PGM2L1: variants seen among roughly 807,000 people sequenced by gnomAD.
PGM2L1 encodes phosphoglucomutase 2 like 1, also known as glucose 1,6-bisphosphate synthase.
In PGM2L1, 35 loss-of-function variants were observed where a neutral mutation model predicts 73.4. That is an observed-to-expected ratio of 0.48 (90% CI 0.36 to 0.63). The LOEUF (loss-of-function observed/expected upper bound fraction) is 0.63. Among genes scored for constraint, PGM2L1 ranks in the 30% least tolerant of loss-of-function variants. The pLI is 0.00. For missense variants in PGM2L1, 570 were observed against 742.0 expected (o/e 0.77, Z 2.69); for synonymous variants, 225 against 253.8 (o/e 0.89, Z 1.08).
chr11:74,377,276 G>A (rs1862870165), intron 1 of PGM2L1, among the ~76,000 whole-genome samples: 1 of 152,020 alleles, frequency 6.6e-6, no homozygotes, highest in East Asian at 1.9e-4. Flanking sequence ...CTGGACTACA[G>A]GCGCCCGCCA....
At chr11:74,340,323 A>G (rs1015903661) in intron 12 of PGM2L1, among the ~76,000 whole-genome samples, 3 of 152,226 alleles carry the variant, frequency 2.0e-5, no homozygotes, top group African/African-American at 7.2e-5. Context: ...GCATTATACC[A>G]TAGGCTACTT....
At chr11:74,372,217 C>CA (rs1862775339) in intron 2 of PGM2L1, among the ~76,000 whole-genome samples, 1 of 151,516 alleles carries the variant, frequency 6.6e-6, no homozygotes, top group Non-Finnish European at 1.5e-5. Flanking sequence ...TGTCTTAAGT[C>CA]CTTGCTAGAT....
intron 1 of PGM2L1, among the ~76,000 whole-genome samples, chr11:74,387,375 A>T (rs1863032191): frequency 6.6e-6 from 1 of 152,196 alleles, no homozygotes; most frequent in Non-Finnish European, 1.5e-5. Flanking sequence ...AATGGAAATA[A>T]CTACCTCAAA....
rs1284769892 is a variant in PGM2L1 at position 74,332,295 on chromosome 11, G to A, written c.*4357C>T. On this transcript the variant is annotated 3_prime_UTR_variant, in exon 14 of 14. Transcript: ENST00000298198. ...ATCAGTTTCTAGAACAATCTCAGAT[G>A]ACAAGTGAATTGTAAAAGGCCGTAA... 1.3e-5 allele frequency: 2 copies of A among 152,170 alleles called. No homozygotes were observed. The highest frequency in any genetic ancestry group is 3.8e-4 in the East Asian group (2 of 5,202). The allele number at this position is 152,170 out of a possible 1,614,324, so 9.4% of individuals were successfully genotyped here. A position where few individuals can be genotyped will look rare whatever the true frequency, so the allele number is the denominator to read the frequency against.
intron 1 of PGM2L1, among the ~76,000 whole-genome samples, chr11:74,383,549 T>G (rs1364775801): frequency 3.3e-5 from 5 of 151,992 alleles, no homozygotes; most frequent in Non-Finnish European, 7.4e-5. Context: ...ACCCATCACC[T>G]AGGTATTAAG....
chr11:74,347,026 C>T (rs1591168835), intron 7 of PGM2L1, 122 bp downstream of exon 7: 2 of 1,004,956 alleles, frequency 2.0e-6, no homozygotes, highest in East Asian at 2.6e-5. Flanking sequence ...TACTCCAATA[C>T]AATTAAAAGA....
intron 5 of PGM2L1, among the ~76,000 whole-genome samples, chr11:74,358,696 CTGG>C (rs1862501532): frequency 6.6e-6 from 1 of 152,198 alleles, no homozygotes; most frequent in Non-Finnish European, 1.5e-5. Flanking sequence ...CAAGACCAGC[CTGG>C]CCAACATGGC....
chr11:74,398,045 AC>A lies in PGM2L1; in HGVS notation c.111+5del. The A allele has an allele frequency of 6.2e-7, 1 of 1,602,302 alleles. No individual in the cohort carries two copies. The highest frequency in any genetic ancestry group is 8.5e-7 in the Non-Finnish European group (1 of 1,173,658). The stretch of plus-strand genomic sequence containing the variant: ...ACGGCGTTTGCCGGGCTGACCAGGT[AC>A]CCACCTTATCCCAGCGGAGCCACTG... On this transcript the variant is annotated splice_donor_5th_base_variant and intron_variant, in intron 1 of 13. Coordinates refer to ENST00000298198, the MANE Select transcript of PGM2L1 (RefSeq NM_173582.6).
intron 1 of PGM2L1, among the ~76,000 whole-genome samples, chr11:74,377,411 C>G (rs925823346): frequency 1.3e-5 from 2 of 152,036 alleles, no homozygotes; most frequent in Middle Eastern, 3.4e-3. Context: ...GGGATTACAG[C>G]CGTGAGCCAC....
chr11:74,335,938 C>T lies in PGM2L1; in HGVS notation c.*714G>A, dbSNP rs1158840365. The stretch of plus-strand genomic sequence containing the variant: ...ACTGTTTTTTCTGTTCACACCAGAC[C>T]CTGAGAAGGCACTGAGAAATTTGAT... On this transcript the variant is annotated 3_prime_UTR_variant, in exon 14 of 14. Coordinates refer to ENST00000298198, the MANE Select transcript of PGM2L1 (RefSeq NM_173582.6). The T allele has an allele frequency of 6.6e-6, 1 of 152,470 alleles. No homozygotes were observed. The highest frequency in any genetic ancestry group is 1.5e-5 in the Non-Finnish European group (1 of 68,024). 9.4% of individuals were successfully genotyped at this position (152,470 alleles called of 1,614,324 possible). A position where few individuals can be genotyped will look rare whatever the true frequency, so the allele number is the denominator to read the frequency against.
chr11:74,384,566 T>C (rs969583885), intron 1 of PGM2L1, among the ~76,000 whole-genome samples: 3 of 151,700 alleles, frequency 2.0e-5, no homozygotes, highest in Non-Finnish European at 4.4e-5. Flanking sequence ...ATTATATTTA[T>C]ATTATTTTTG....
At chr11:74,386,071 T>G (rs771518329) in intron 1 of PGM2L1, among the ~76,000 whole-genome samples, 1 of 152,146 alleles carries the variant, frequency 6.6e-6, no homozygotes, top group Non-Finnish European at 1.5e-5. Context: ...AAATTATAAT[T>G]ATGTTCTACG....
chr11:74,393,681 A>G (rs922390914), intron 1 of PGM2L1, among the ~76,000 whole-genome samples: 1 of 152,104 alleles, frequency 6.6e-6, no homozygotes, highest in Admixed American at 6.5e-5. Flanking sequence ...TCTACTTGCT[A>G]TTTCTTAAAA....
Position 74,398,391 on chromosome 11 carries a change from G to A in PGM2L1, c.-230C>T, listed in dbSNP as rs1039859317. The A allele has an allele frequency of 3.6e-6, 2 of 550,602 alleles. No homozygotes were observed. Among genetic ancestry groups the A allele is most frequent in the African/African-American group, 1.9e-5 (1 of 51,516 alleles). The allele number at this position is 550,602 out of a possible 1,614,324, so 34.1% of individuals were successfully genotyped here. A position where few individuals can be genotyped will look rare whatever the true frequency, so the allele number is the denominator to read the frequency against. On this transcript the variant is annotated 5_prime_UTR_variant, in exon 1 of 14. Transcript: ENST00000298198. ...GACCAGGTCCGGGTCTCTGGGCGAA[G>A]TGACTGAGGCGGTCGCGCCGCGAGA...
intron 1 of PGM2L1, among the ~76,000 whole-genome samples, chr11:74,394,027 A>G (rs771883266): frequency 6.6e-5 from 10 of 151,934 alleles, no homozygotes; most frequent in Non-Finnish European, 1.5e-4. Flanking sequence ...TAGAGCATAG[A>G]AGGAGAGAGC....
At chr11:74,341,648 T>C (rs1862183722) in intron 12 of PGM2L1, among the ~76,000 whole-genome samples, 2 of 136,104 alleles carry the variant, frequency 1.5e-5, no homozygotes, top group Admixed American at 8.6e-5. Context: ...GCTGAGATCA[T>C]GCCACTGCAC....
intron 2 of PGM2L1, 50 bp from the exon 3 acceptor site, chr11:74,371,867 A>C (rs1862764777): frequency 7.0e-7 from 1 of 1,418,818 alleles, no homozygotes; most frequent in South Asian, 1.2e-5. Context: ...CTTGCATTTC[A>C]TATGACTCAG....
At chr11:74,394,749 A>G (rs916444867) in intron 1 of PGM2L1, among the ~76,000 whole-genome samples, 1 of 152,216 alleles carries the variant, frequency 6.6e-6, no homozygotes, top group Non-Finnish European at 1.5e-5. Context: ...GTTCAAGCAC[A>G]AATAACATTT....
At chr11:74,360,019 C>G (rs1862530645) in intron 5 of PGM2L1, among the ~76,000 whole-genome samples, 1 of 151,964 alleles carries the variant, frequency 6.6e-6, no homozygotes, top group South Asian at 2.1e-4. Flanking sequence ...AATAAGATAA[C>G]TCATCATAAA....
Sources: gnomAD v4.1 joint callset for allele counts (sites outside exome capture counted in the v4.1 genomes callset) on GRCh38, gnomAD v4.1.1 for gene constraint, MANE v1.5 for transcripts, NCBI Gene and HGNC (gene_info 2026-07-23, HGNC 2026-07-21) for gene names.